The following CRACDL variants were observed in gnomAD, a reference collection of about 807,000 sequenced individuals.
CRACDL encodes the protein CRACD like, also known as CRACD-like protein.
Under a neutral mutation model 70.6 loss-of-function variants are expected in CRACDL, and 26 were observed. The observed-to-expected ratio is 0.37, with a 90% CI of 0.27 to 0.51. The LOEUF (loss-of-function observed/expected upper bound fraction) is 0.51. CRACDL is among the 20% of genes least tolerant of loss of function. The pLI is 0.94. For missense variants in CRACDL, 1,283 were observed against 1,376.9 expected (o/e 0.93, Z 1.08); for synonymous variants, 618 against 615.2 (o/e 1.00, Z -0.07).
chr2:98,882,341 TG>T (rs1707674846), intron 1 of CRACDL, among the ~76,000 whole-genome samples: 1 of 152,346 alleles, frequency 6.6e-6, no homozygotes, highest in Admixed American at 6.5e-5. Context: ...ACTGCAGACA[TG>T]GCCCAGGCCT....
At chr2:98,906,838 G>C (rs2104667686) in intron 1 of CRACDL, among the ~76,000 whole-genome samples, 1 of 152,294 alleles carries the variant, frequency 6.6e-6, no homozygotes, top group South Asian at 2.1e-4. Context: ...GACTGGCATA[G>C]CATCTGGATC....
At chr2:98,855,793 C>G (rs1250787923) in intron 1 of CRACDL, among the ~76,000 whole-genome samples, 1 of 152,016 alleles carries the variant, frequency 6.6e-6, no homozygotes, top group Admixed American at 6.6e-5. Context: ...GAGGTAGAAA[C>G]TATAAAAATA....
intron 2 of CRACDL, 47 bp from the exon 3 acceptor site, chr2:98,838,334 G>A (rs1445305739): frequency 8.9e-7 from 1 of 1,120,646 alleles, no homozygotes; most frequent in East Asian, 2.6e-5. Context: ...GTTACAGTGT[G>A]TGTTTATGTG....
intron 1 of CRACDL, among the ~76,000 whole-genome samples, chr2:98,849,359 GAA>G (rs1488417603): frequency 6.6e-6 from 1 of 152,204 alleles, no homozygotes; most frequent in Non-Finnish European, 1.5e-5. Flanking sequence ...CCTTGCAAAT[GAA>G]AAGTGTCCTT....
intron 1 of CRACDL, among the ~76,000 whole-genome samples, chr2:98,867,651 C>T (rs1012333252): frequency 2.0e-5 from 3 of 152,126 alleles, no homozygotes; most frequent in African/African-American, 7.2e-5. Flanking sequence ...TGGGAAGATA[C>T]AATATAAATT....
At chr2:98,911,374 C>T (rs564199419) in intron 1 of CRACDL, among the ~76,000 whole-genome samples, 4 of 152,174 alleles carry the variant, frequency 2.6e-5, no homozygotes, top group African/African-American at 7.2e-5. Flanking sequence ...TGGACAGGGT[C>T]GGAGTCCACA....
chr2:98,855,294 A>AAAAAAAG (rs1223290671), intron 1 of CRACDL, among the ~76,000 whole-genome samples: 34 of 152,226 alleles, frequency 2.2e-4, no homozygotes, highest in African/African-American at 7.9e-4. Context: ...TCAAAAAAAA[A>AAAAAAAG]AAAAAAAGTT....
intron 8 of CRACDL, 73 bp downstream of exon 8, chr2:98,797,277 C>T: frequency 2.1e-6 from 3 of 1,438,094 alleles, no homozygotes; most frequent in South Asian, 1.2e-5. Context: ...GTGGTCCTTA[C>T]AGGGTCCTCG....
chr2:98,890,191 CAAAG>C (rs1707924821), intron 1 of CRACDL, among the ~76,000 whole-genome samples: 1 of 151,868 alleles, frequency 6.6e-6, no homozygotes, highest in Non-Finnish European at 1.5e-5. Flanking sequence ...AGTAGAAAAA[CAAAG>C]AAAACTAACA....
At chr2:98,842,347 A>G (rs771637479) in intron 2 of CRACDL, among the ~76,000 whole-genome samples, 1 of 151,750 alleles carries the variant, frequency 6.6e-6, no homozygotes, top group Non-Finnish European at 1.5e-5. Context: ...TTTAATAATT[A>G]CATTTATTTT....
At chr2:98,820,656 G>A (rs1413143259) in intron 7 of CRACDL, among the ~76,000 whole-genome samples, 3 of 152,230 alleles carry the variant, frequency 2.0e-5, no homozygotes, top group East Asian at 1.9e-4. Context: ...AGTGACAAAT[G>A]TCAAAGACAG....
At chr2:98,803,179 T>G (rs1704151320) in intron 7 of CRACDL, among the ~76,000 whole-genome samples, 1 of 152,118 alleles carries the variant, frequency 6.6e-6, no homozygotes, top group Non-Finnish European at 1.5e-5. Flanking sequence ...TTTTGTATTT[T>G]TTAGTAGAGA....
chr2:98,813,256 C>A (rs1037565052), intron 7 of CRACDL, among the ~76,000 whole-genome samples: 13 of 152,016 alleles, frequency 8.6e-5, no homozygotes, highest in Non-Finnish European at 1.5e-4. Context: ...CATGGTGAAA[C>A]CCTGTCTTCA....
At chr2:98,866,809 A>AT (rs1191662154) in intron 1 of CRACDL, among the ~76,000 whole-genome samples, 1 of 151,860 alleles carries the variant, frequency 6.6e-6, no homozygotes, top group African/African-American at 2.4e-5. Context: ...CTTCTTAATG[A>AT]TCACCCAACA....
intron 7 of CRACDL, among the ~76,000 whole-genome samples, chr2:98,805,153 C>T (rs1181182614): frequency 6.6e-6 from 1 of 152,186 alleles, no homozygotes; most frequent in Non-Finnish European, 1.5e-5. Flanking sequence ...GGGGACACGG[C>T]AGGGCCTCTG....
At chr2:98,903,738 A>G (rs1298019923) in intron 1 of CRACDL, among the ~76,000 whole-genome samples, 2 of 152,218 alleles carry the variant, frequency 1.3e-5, no homozygotes, top group African/African-American at 4.8e-5. Flanking sequence ...TTCCCCCTCT[A>G]ATTGCTTTTG....
chr2:98,849,308 G>A (rs1181350759), intron 1 of CRACDL, among the ~76,000 whole-genome samples: 5 of 152,220 alleles, frequency 3.3e-5, no homozygotes, highest in African/African-American at 1.2e-4. Context: ...ACACTCTGGA[G>A]AAACCATGAT....
intron 7 of CRACDL, among the ~76,000 whole-genome samples, chr2:98,817,489 T>G (rs1216211302): frequency 1.3e-5 from 2 of 152,160 alleles, no homozygotes; most frequent in Non-Finnish European, 2.9e-5. Flanking sequence ...ACTGTGTCAT[T>G]AAAAAAGGAC....
At chr2:98,831,077 A>G (rs147911337) in intron 5 of CRACDL, among the ~76,000 whole-genome samples, 187 of 152,272 alleles carry the variant, frequency 1.2e-3, no homozygotes, top group African/African-American at 4.3e-3. Flanking sequence ...TGGCTCGGTG[A>G]AGTCTATGAA....
Sources: allele counts gnomAD v4.1 joint callset (sites outside exome capture counted in the v4.1 genomes callset), GRCh38; gene constraint gnomAD v4.1.1; transcripts MANE v1.5; gene names NCBI Gene and HGNC (gene_info 2026-07-23, HGNC 2026-07-21).